Variants in XKR9 observed in about 807,000 individuals in gnomAD.
XKR9 encodes XK related 9, also known as XK-related protein 9.
In XKR9, 32 loss-of-function variants were observed where a neutral mutation model predicts 32.0. The ratio of observed to expected loss-of-function variants is 1.00; its 90% CI spans 0.76 to 1.34. The LOEUF (loss-of-function observed/expected upper bound fraction) is 1.34, where lower values mean the gene tolerates loss of function less well. XKR9 is among the 40% of genes most tolerant of loss of function. The pLI is 0.00. For missense variants in XKR9, 546 were observed against 429.7 expected (o/e 1.27, Z -2.39); for synonymous variants, 168 against 143.4 (o/e 1.17, Z -1.22).
the XKR9 span, among the ~76,000 whole-genome samples, chr8:70,919,271 A>G: frequency 6.6e-6 from 1 of 152,230 alleles, no homozygotes; most frequent in Non-Finnish European, 1.5e-5. Context: ...CAGGGGGAAG[A>G]TTAAGTGAGC....
At chr8:70,672,712 C>G (rs907090296) in intron 1 of XKR9, among the ~76,000 whole-genome samples, 1 of 152,170 alleles carries the variant, frequency 6.6e-6, no homozygotes, top group Non-Finnish European at 1.5e-5. Context: ...TTTTTCTCTA[C>G]ATCCTCTGCA....
chr8:70,930,887 T>C, the XKR9 span, among the ~76,000 whole-genome samples: 4 of 152,124 alleles, frequency 2.6e-5, no homozygotes, highest in Non-Finnish European at 4.4e-5. Flanking sequence ...TTGCAGTCCA[T>C]ATGCCAAAGA....
At chr8:70,980,592 G>A in the XKR9 span, among the ~76,000 whole-genome samples, 1 of 152,262 alleles carries the variant, frequency 6.6e-6, no homozygotes, top group African/African-American at 2.4e-5. Context: ...GCCATTCCTT[G>A]TCTTGTAAGT....
chr8:70,809,982 T>C, the XKR9 span, among the ~76,000 whole-genome samples: 1 of 152,106 alleles, frequency 6.6e-6, no homozygotes, highest in East Asian at 1.9e-4. Flanking sequence ...CCAAGACACA[T>C]AATTGTCAAA....
At chr8:70,830,157 C>G in the XKR9 span, among the ~76,000 whole-genome samples, 1 of 152,066 alleles carries the variant, frequency 6.6e-6, no homozygotes, top group South Asian at 2.1e-4. Flanking sequence ...TTTGTGATTT[C>G]TTTCACCAAA....
chr8:70,760,500 C>A (rs913496198), intron 2 of XKR9, among the ~76,000 whole-genome samples: 1 of 152,068 alleles, frequency 6.6e-6, no homozygotes, highest in African/African-American at 2.4e-5. Flanking sequence ...ATATATGCAA[C>A]ATAAAACGTA....
chr8:70,956,091 C>A, the XKR9 span, among the ~76,000 whole-genome samples: 1 of 152,106 alleles, frequency 6.6e-6, no homozygotes, highest in Non-Finnish European at 1.5e-5. Flanking sequence ...TGCAACATGG[C>A]GAGCAGTGGG....
the XKR9 span, among the ~76,000 whole-genome samples, chr8:70,995,687 A>T: frequency 8.2e-4 from 124 of 151,778 alleles, 1 homozygote; most frequent in African/African-American, 2.4e-3. Flanking sequence ...GACAATTAAA[A>T]TTTTTTTTTC....
chr8:70,733,769 T>C lies in XKR9; in HGVS notation c.494-27T>C, dbSNP rs756480351. On this transcript the variant is annotated intron_variant, in intron 4 of 4. Coordinates refer to ENST00000408926, the MANE Select transcript of XKR9 (RefSeq NM_001011720.2). The stretch of plus-strand genomic sequence containing the variant: ...AATATTTCTATTATTCCTATAACAA[T>C]ATATTTTTTATTTTTTTGTTTTGTA... 2.7e-6 allele frequency: 4 copies of C among 1,483,304 alleles called. 1 individual carries two copies. The South Asian group carries it at 5.7e-5, about 21-fold the overall frequency. 91.9% of individuals were successfully genotyped at this position (1,483,304 alleles called of 1,614,324 possible). A position where few individuals can be genotyped will look rare whatever the true frequency, so the allele number is the denominator to read the frequency against.
At chr8:70,731,680 C>G (rs950236516) in intron 4 of XKR9, among the ~76,000 whole-genome samples, 1 of 152,148 alleles carries the variant, frequency 6.6e-6, no homozygotes, top group Non-Finnish European at 1.5e-5. Context: ...GGAAGGATGA[C>G]CTCTGAATGG....
chr8:71,045,212 G>A, the XKR9 span, among the ~76,000 whole-genome samples: 2 of 152,202 alleles, frequency 1.3e-5, no homozygotes, highest in African/African-American at 4.8e-5. Flanking sequence ...AGCAAGGGCT[G>A]CCACTTGAAT....
chr8:70,898,522 G>A, the XKR9 span, among the ~76,000 whole-genome samples: 1 of 152,060 alleles, frequency 6.6e-6, no homozygotes, highest in African/African-American at 2.4e-5. Flanking sequence ...ATATTGTACT[G>A]TCATTTTAAT....
the XKR9 span, among the ~76,000 whole-genome samples, chr8:70,938,033 A>G: frequency 6.6e-6 from 1 of 152,040 alleles, no homozygotes; most frequent in Admixed American, 6.6e-5. Context: ...CTTACTTGGG[A>G]CAAGAGTAGA....
chr8:70,718,378 A>G (rs1806161503), intron 4 of XKR9, among the ~76,000 whole-genome samples: 1 of 152,118 alleles, frequency 6.6e-6, no homozygotes, highest in Non-Finnish European at 1.5e-5. Flanking sequence ...ATAGGTATAC[A>G]TGTGCCATGT....
chr8:70,756,293 A>T (rs6991708), intron 2 of XKR9, among the ~76,000 whole-genome samples: 1 of 151,932 alleles, frequency 6.6e-6, no homozygotes, highest in Non-Finnish European at 1.5e-5. Context: ...TTGAAATTGG[A>T]AAATGTGATT....
At chr8:70,963,737 A>C in the XKR9 span, among the ~76,000 whole-genome samples, 28 of 152,088 alleles carry the variant, frequency 1.8e-4, no homozygotes, top group Non-Finnish European at 2.1e-4. Flanking sequence ...AGCTTTTTAA[A>C]ATATATTTGT....
At chr8:70,937,613 A>G in the XKR9 span, among the ~76,000 whole-genome samples, 1 of 152,124 alleles carries the variant, frequency 6.6e-6, no homozygotes, top group Non-Finnish European at 1.5e-5. Flanking sequence ...CATGAACACT[A>G]TAGTTATAAA....
At chr8:70,834,556 T>A in the XKR9 span, among the ~76,000 whole-genome samples, 517 of 152,298 alleles carry the variant, frequency 3.4e-3, 3 homozygotes, top group South Asian at 0.016. Flanking sequence ...TAAATTCCTG[T>A]TTTTATTCAA....
chr8:70,934,198 A>C, the XKR9 span, among the ~76,000 whole-genome samples: 1 of 152,030 alleles, frequency 6.6e-6, no homozygotes, highest in African/African-American at 2.4e-5. Context: ...CCATACTGTT[A>C]AACTGATATT....
Sources: allele counts gnomAD v4.1 joint callset (sites outside exome capture counted in the v4.1 genomes callset), GRCh38; gene constraint gnomAD v4.1.1; transcripts MANE v1.5; gene names NCBI Gene and HGNC (gene_info 2026-07-23, HGNC 2026-07-21).